SEMA6D: variants seen among roughly 807,000 people sequenced by gnomAD.
The protein encoded by SEMA6D is semaphorin-6D.
SEMA6D carries 35 observed loss-of-function variants against 106.6 expected under a neutral mutation model. The observed-to-expected ratio is 0.33, with a 90% CI of 0.25 to 0.44. The LOEUF (loss-of-function observed/expected upper bound fraction) is 0.44, where lower values mean the gene tolerates loss of function less well. Ranked by LOEUF, SEMA6D falls within the 20% of genes least tolerant of loss-of-function variation. The pLI, the probability that SEMA6D is intolerant of heterozygous loss-of-function variation, is 1.00. For missense variants in SEMA6D, 1,185 were observed against 1,345.9 expected (o/e 0.88, Z 1.87); for synonymous variants, 499 against 487.7 (o/e 1.02, Z -0.31).
chr15:47,569,372 C>G (rs901648709), intron 3 of SEMA6D, among the ~76,000 whole-genome samples: 1 of 152,118 alleles, frequency 6.6e-6, no homozygotes, highest in Admixed American at 6.5e-5. Context: ...TAAAGCAAAA[C>G]CTTTCAAGAG....
intron 16 of SEMA6D, 41 bp from the exon 17 acceptor site, chr15:47,766,996 G>A: frequency 8.2e-7 from 1 of 1,212,492 alleles, no homozygotes; most frequent in Non-Finnish European, 1.1e-6. Context: ...GCTTTCTTTT[G>A]GTTACTTTTC....
intron 3 of SEMA6D, among the ~76,000 whole-genome samples, chr15:47,502,583 A>C (rs1462687619): frequency 6.6e-6 from 1 of 152,228 alleles, no homozygotes; most frequent in Non-Finnish European, 1.5e-5. Flanking sequence ...GTAATTGGTA[A>C]AATCTGCGAC....
At chr15:47,696,268 A>C (rs17387500) in intron 4 of SEMA6D, among the ~76,000 whole-genome samples, 56,319 of 151,962 alleles carry the variant, frequency 0.37, 11,566 homozygotes, top group Middle Eastern at 0.5. Flanking sequence ...ATAGTTGGAC[A>C]TTCAGCATTC....
At chr15:47,445,914 G>A (rs1185528929) in intron 2 of SEMA6D, among the ~76,000 whole-genome samples, 1 of 152,044 alleles carries the variant, frequency 6.6e-6, no homozygotes, top group Non-Finnish European at 1.5e-5. Flanking sequence ...GCCATGTGCT[G>A]GCAACACAAC....
At chr15:47,266,680 A>AT (rs1566961578) in intron 1 of SEMA6D, among the ~76,000 whole-genome samples, 1 of 152,058 alleles carries the variant, frequency 6.6e-6, no homozygotes, top group Non-Finnish European at 1.5e-5. Flanking sequence ...AGCAACAAGT[A>AT]GATGGTCCAG....
intron 2 of SEMA6D, among the ~76,000 whole-genome samples, chr15:47,418,773 C>T (rs1203878679): frequency 2.6e-5 from 4 of 151,970 alleles, no homozygotes; most frequent in Admixed American, 1.3e-4. Context: ...GGGTCCTGTG[C>T]CTAGGTGGAG....
chr15:47,409,190 C>T (rs1419939326), intron 1 of SEMA6D, among the ~76,000 whole-genome samples: 3 of 152,150 alleles, frequency 2.0e-5, no homozygotes, highest in African/African-American at 4.8e-5. Flanking sequence ...TCTTGCCTAT[C>T]GTACAGCTGT....
chr15:47,404,899 A>C (rs1386286192), intron 1 of SEMA6D, among the ~76,000 whole-genome samples: 3 of 152,162 alleles, frequency 2.0e-5, no homozygotes, highest in African/African-American at 4.8e-5. Context: ...ATACATGCTA[A>C]AATATGTAGC....
intron 3 of SEMA6D, among the ~76,000 whole-genome samples, chr15:47,535,015 C>G (rs374010097): frequency 6.7e-6 from 1 of 149,268 alleles, no homozygotes; most frequent in East Asian, 2.0e-4. Context: ...TTATTCAATA[C>G]CAGAGAATTT....
chr15:47,442,601 T>C (rs1158529936), intron 2 of SEMA6D, among the ~76,000 whole-genome samples: 2 of 152,106 alleles, frequency 1.3e-5, no homozygotes, highest in Non-Finnish European at 2.9e-5. Context: ...GTGGATGTGC[T>C]TCTCACAGTT....
At chr15:47,287,215 G>A (rs1365723305) in intron 1 of SEMA6D, among the ~76,000 whole-genome samples, 3 of 152,158 alleles carry the variant, frequency 2.0e-5, no homozygotes, top group African/African-American at 7.2e-5. Flanking sequence ...GCATCATTGA[G>A]TTCCTGTGTA....
chr15:47,372,052 G>C (rs1027249761), intron 1 of SEMA6D, among the ~76,000 whole-genome samples: 3 of 152,198 alleles, frequency 2.0e-5, no homozygotes, highest in African/African-American at 7.2e-5. Flanking sequence ...CTACAATGTA[G>C]TGTATTTGCC....
intron 4 of SEMA6D, among the ~76,000 whole-genome samples, chr15:47,672,211 G>A (rs2078150942): frequency 6.6e-6 from 1 of 152,100 alleles, no homozygotes; most frequent in Non-Finnish European, 1.5e-5. Context: ...AGGAAGCCTG[G>A]CCTCAGAGCC....
chr15:47,370,413 G>T (rs368956885), intron 1 of SEMA6D, among the ~76,000 whole-genome samples: 1 of 152,096 alleles, frequency 6.6e-6, no homozygotes, highest in Non-Finnish European at 1.5e-5. Context: ...TACTCAGAAG[G>T]CTGAGGTGAA....
intron 1 of SEMA6D, among the ~76,000 whole-genome samples, chr15:47,357,652 G>A (rs2038638824): frequency 1.3e-5 from 2 of 152,114 alleles, no homozygotes; most frequent in South Asian, 4.2e-4. Flanking sequence ...TTACATTCTA[G>A]CCGTGCTGGC....
At chr15:47,246,052 T>C (rs560629998) in intron 1 of SEMA6D, among the ~76,000 whole-genome samples, 4 of 152,196 alleles carry the variant, frequency 2.6e-5, no homozygotes, top group Non-Finnish European at 5.9e-5. Flanking sequence ...CTCTCAAGTA[T>C]ACATGAACTT....
At chr15:47,505,450 A>G (rs1246180942) in intron 3 of SEMA6D, among the ~76,000 whole-genome samples, 1 of 152,172 alleles carries the variant, frequency 6.6e-6, no homozygotes, top group Non-Finnish European at 1.5e-5. Context: ...GTAAACACCA[A>G]TGTCCTACAT....
intron 1 of SEMA6D, among the ~76,000 whole-genome samples, chr15:47,330,362 G>A (rs1033965876): frequency 6.6e-6 from 1 of 152,148 alleles, no homozygotes; most frequent in African/African-American, 2.4e-5. Context: ...TCCTAGAAGG[G>A]ATCATTAAAT....
intron 1 of SEMA6D, among the ~76,000 whole-genome samples, chr15:47,247,588 C>T (rs946974538): frequency 1.3e-5 from 2 of 152,092 alleles, no homozygotes; most frequent in South Asian, 2.1e-4. Context: ...CTATAATAGT[C>T]GTCACTGATA....
Sources: gnomAD v4.1 joint callset for allele counts (sites outside exome capture counted in the v4.1 genomes callset) on GRCh38, gnomAD v4.1.1 for gene constraint, MANE v1.5 for transcripts, NCBI Gene and HGNC (gene_info 2026-07-23, HGNC 2026-07-21) for gene names.